The following RSPH4A variants were observed in gnomAD, a reference collection of about 807,000 sequenced individuals.
RSPH4A encodes radial spoke head component 4A.
In RSPH4A, 47 loss-of-function variants were observed where a neutral mutation model predicts 71.0. That is an observed-to-expected ratio of 0.66 (90% CI 0.52 to 0.84). The LOEUF (loss-of-function observed/expected upper bound fraction) is 0.84. RSPH4A is among the 40% of genes least tolerant of loss of function. The pLI, the probability that RSPH4A is intolerant of heterozygous loss-of-function variation, is 0.00. For missense variants in RSPH4A, 793 were observed against 855.2 expected (o/e 0.93, Z 0.91); for synonymous variants, 282 against 302.3 (o/e 0.93, Z 0.70).
rs1775504768 is a variant in RSPH4A, at chr6:116,616,549, A to G, written c.-75A>G. 7.7e-7 allele frequency: 1 copy of G among 1,306,204 alleles called. No homozygotes were observed. Among genetic ancestry groups the G allele is most frequent in the Admixed American group, 2.0e-5 (1 of 50,814 alleles). The allele number at this position is 1,306,204 out of a possible 1,614,324, so 80.9% of individuals were successfully genotyped here. A position where few individuals can be genotyped will look rare whatever the true frequency, so the allele number is the denominator to read the frequency against. ...ATCGCTTAAGAGACCGCGGCAAAGT[A>G]ACTTAACTGAGTTGCCTTCTTCCAT... On this transcript the variant is annotated 5_prime_UTR_variant, in exon 1 of 6. Coordinates refer to ENST00000229554, the MANE Select transcript of RSPH4A (RefSeq NM_001010892.3).
Position 116,627,943 on chromosome 6 carries a change from G to A in RSPH4A, c.1236G>A (p.Lys412=), listed in dbSNP as rs1003414990. The A allele has an allele frequency of 1.2e-6, 2 of 1,613,986 alleles. No individual in the cohort carries two copies. The highest frequency in any genetic ancestry group is 2.7e-5 in the African/African-American group (2 of 74,908). Residue 412 remains lysine (K), a synonymous_variant, in exon 3 of 6, where the codon AAG becomes AAA. Coordinates refer to ENST00000229554, the MANE Select transcript of RSPH4A (RefSeq NM_001010892.3). ...ATGAATTACCAAAGTCCTTTTACAA[G>A]GCCCCACAGGCTATACCAAAAGAAG... ...EEDELPKSFY[K]APQAIPKEES... is the part of the protein sequence containing the mutation.
chr6:116,628,493 G>C (rs1775739418), intron 3 of RSPH4A, 124 bp downstream of exon 3: 2 of 778,154 alleles, frequency 2.6e-6, no homozygotes, highest in South Asian at 1.7e-5. Flanking sequence ...CAGGAAAAGA[G>C]ATAATTAAAA....
chr6:116,617,447 A>T, intron 1 of RSPH4A, 138 bp downstream of exon 1: 1 of 656,102 alleles, frequency 1.5e-6, no homozygotes, highest in Non-Finnish European at 2.6e-6. Context: ...TTAATGACAT[A>T]ACTCTGGATC....
chr6:116,626,933 CAT>C (rs552912836), intron 2 of RSPH4A, among the ~76,000 whole-genome samples: 17 of 152,070 alleles, frequency 1.1e-4, no homozygotes, highest in Non-Finnish European at 2.1e-4. Context: ...GTAATATAGA[CAT>C]ATGGAAAACC....
intron 1 of RSPH4A, among the ~76,000 whole-genome samples, chr6:116,620,821 C>T (rs1053809926): frequency 3.3e-5 from 5 of 152,120 alleles, no homozygotes; most frequent in African/African-American, 1.2e-4. Flanking sequence ...GCCCGATAAC[C>T]AACAGTGTTT....
intron 2 of RSPH4A, among the ~76,000 whole-genome samples, chr6:116,623,214 T>C (rs974977035): frequency 2.0e-5 from 3 of 152,098 alleles, no homozygotes; most frequent in African/African-American, 4.8e-5. Flanking sequence ...TTCTCCTGAG[T>C]AGCTGGGACT....
Position 116,632,624 on chromosome 6 carries a change from T to C in RSPH4A, c.*183T>C. The C allele has an allele frequency of 1.4e-6, 1 of 735,558 alleles. No individual in the cohort carries two copies. The highest frequency in any genetic ancestry group is 2.9e-5 in the East Asian group (1 of 34,136). 45.6% of individuals were successfully genotyped at this position (735,558 alleles called of 1,614,324 possible). On this transcript the variant is annotated 3_prime_UTR_variant, in exon 6 of 6. Transcript: ENST00000229554. Reference sequence around the variant, plus strand: ...TTCATAGGTAGAAATATTAGCATTTTTATTGAAAGATACTCACAGGATTTT... The same window carrying C: ...TTCATAGGTAGAAATATTAGCATTTCTATTGAAAGATACTCACAGGATTTT...
intron 5 of RSPH4A, 42 bp from the exon 6 acceptor site, chr6:116,632,165 T>G (rs1775814202): frequency 6.9e-7 from 1 of 1,447,932 alleles, no homozygotes; most frequent in Non-Finnish European, 9.5e-7. Flanking sequence ...TCTGAGAAAT[T>G]ATATAATGAT....
At position 116,616,921 on chromosome 6, in the gene RSPH4A, G is replaced by T; in HGVS notation, c.298G>T (p.Ala100Ser). ...TTCCTCTCCTTCTCCCCTGGCTCCG[G>T]CCAGACAAGACCTCGCGGCACCACC... ...PSSSPSPLAP[A>S]RQDLAAPPQS... The change falls in exon 1 of 6, where the codon GCC (alanine) becomes TCC (serine). Residue 100 changes from alanine (A) to serine (S), a missense_variant. Transcript: ENST00000229554. 6.2e-7 allele frequency: 1 copy of T among 1,614,164 alleles called. No homozygotes were observed. Among genetic ancestry groups the T allele is most frequent in the South Asian group, 1.1e-5 (1 of 91,076 alleles).
chr6:116,624,386 A>T (rs1414832903), intron 2 of RSPH4A, among the ~76,000 whole-genome samples: 1 of 152,204 alleles, frequency 6.6e-6, no homozygotes, highest in African/African-American at 2.4e-5. Flanking sequence ...TAATCAAAGA[A>T]AGTTCAGACT....
Position 116,628,201 on chromosome 6 carries a change from T to A in RSPH4A, c.1494T>A (p.Ser498Arg), listed in dbSNP as rs1298455003. ...IARISAGTHV[S>R]PLGFYQFGEE... is the part of the protein sequence containing the mutation. ...GAATTTCAGCAGGAACCCACGTCAG[T>A]CCTCTAGGATTTTATCAGTTTGGTG... is the stretch of plus-strand genomic sequence containing the variant. The change falls in exon 3 of 6, where the codon AGT becomes AGA. Residue 498 changes from serine to arginine, a missense_variant. Coordinates refer to ENST00000229554, the MANE Select transcript of RSPH4A (RefSeq NM_001010892.3). 3 of 1,613,862 alleles carry A rather than the reference T, an allele frequency of 1.9e-6. No homozygotes were observed. The African/African-American group carries it at 4.0e-5, about 22-fold the overall frequency.
At chr6:116,622,582 C>T (rs1317436390) in intron 1 of RSPH4A, among the ~76,000 whole-genome samples, 186 bp from the exon 2 acceptor site, 1 of 152,136 alleles carries the variant, frequency 6.6e-6, no homozygotes, top group Non-Finnish European at 1.5e-5. Context: ...TAAAAACAAA[C>T]TGAGTCTGCA....
intron 2 of RSPH4A, 37 bp from the exon 3 acceptor site, chr6:116,627,592 T>C (rs1411949674): frequency 1.4e-6 from 2 of 1,458,676 alleles, no homozygotes; most frequent in South Asian, 2.3e-5. Context: ...GCATTTGTCT[T>C]ATTGATAAAT....
intron 3 of RSPH4A, 81 bp downstream of exon 3, chr6:116,628,450 C>G (rs548319370): frequency 9.4e-5 from 107 of 1,139,104 alleles, no homozygotes; most frequent in Admixed American, 2.9e-4. Context: ...CAAAGACATA[C>G]AAAATAAAGG....
At chr6:116,618,881 CA>C (rs1432161398) in intron 1 of RSPH4A, among the ~76,000 whole-genome samples, 4 of 152,210 alleles carry the variant, frequency 2.6e-5, no homozygotes, top group Admixed American at 2.6e-4. Context: ...TTACAAGCCC[CA>C]GGCTGATTAA....
chr6:116,618,696 C>T (rs968000306), intron 1 of RSPH4A, among the ~76,000 whole-genome samples: 9 of 152,178 alleles, frequency 5.9e-5, no homozygotes, highest in Admixed American at 2.0e-4. Flanking sequence ...AGAAGACTTC[C>T]GTGACAAAAT....
chr6:116,627,948 C>T lies in RSPH4A; in HGVS notation c.1241C>T (p.Pro414Leu), dbSNP rs1394282681. The change falls in exon 3 of 6, where the codon CCA becomes CTA. Residue 414 changes from proline (P) to leucine (L), a missense_variant. Transcript: ENST00000229554. ...TTACCAAAGTCCTTTTACAAGGCCC[C>T]ACAGGCTATACCAAAAGAAGAAAGT... The part of the protein sequence containing the change: ...DELPKSFYKA[P>L]QAIPKEESRT... The T allele has an allele frequency of 1.9e-6, 3 of 1,614,014 alleles. No homozygotes were observed. Among genetic ancestry groups the T allele is most frequent in the Non-Finnish European group, 2.5e-6 (3 of 1,180,026 alleles).
At position 116,626,339 on chromosome 6, in the gene RSPH4A, G is replaced by T. The variant is rs185110518; in HGVS notation, c.922-1290G>T. 6.6e-5 allele frequency among the ~76,000 whole-genome samples: 10 copies of T among 152,138 alleles called. No homozygotes were observed. The East Asian group carries it at 1.3e-3, about 21-fold the overall frequency. On this transcript the variant is annotated intron_variant, in intron 2 of 5. Coordinates refer to ENST00000229554, the MANE Select transcript of RSPH4A (RefSeq NM_001010892.3). ...TTCTTTCCTACTTTTTCACAAATGT[G>T]TTTCTTTTTTTCTTTTTCTTTTTCT...
intron 1 of RSPH4A, among the ~76,000 whole-genome samples, chr6:116,621,031 GT>G (rs919384283): frequency 6.6e-6 from 1 of 151,920 alleles, no homozygotes; most frequent in Non-Finnish European, 1.5e-5. Context: ...ACTAATTTTT[GT>G]TTTTTTAATA....
Sources: gnomAD v4.1 joint callset for allele counts (sites outside exome capture counted in the v4.1 genomes callset) on GRCh38, gnomAD v4.1.1 for gene constraint, MANE v1.5 for transcripts, NCBI Gene and HGNC (gene_info 2026-07-23, HGNC 2026-07-21) for gene names.